The following LIN9 variants were observed in gnomAD, a reference collection of about 807,000 sequenced individuals.
LIN9 encodes the protein protein lin-9 homolog.
In LIN9, 18 loss-of-function variants were observed where a neutral mutation model predicts 78.0. The ratio of observed to expected loss-of-function variants is 0.23; its 90% confidence interval spans 0.16 to 0.34. LIN9 has a LOEUF of 0.34. Among genes scored for constraint, LIN9 ranks in the 10% least tolerant of loss-of-function variants. The pLI is 1.00. For synonymous variants in LIN9, 192 were observed against 215.2 expected (o/e 0.89, Z 0.94); for missense variants, 451 against 644.1 (o/e 0.70, Z 3.25).
chr1:226,281,895 T>C (rs1450772820), intron 6 of LIN9, among the ~76,000 whole-genome samples: 2 of 152,080 alleles, frequency 1.3e-5, no homozygotes, highest in Non-Finnish European at 2.9e-5. Context: ...GGTTTCACCA[T>C]ATTGGCCAGG....
chr1:226,266,540 A>C (rs777105977), intron 8 of LIN9, among the ~76,000 whole-genome samples: 12 of 150,462 alleles, frequency 8.0e-5, no homozygotes, highest in Admixed American at 1.3e-4. Context: ...TGAAAACACT[A>C]CTTTGCTGCC....
chr1:226,266,840 C>T (rs906984805), intron 8 of LIN9, among the ~76,000 whole-genome samples: 2 of 150,900 alleles, frequency 1.3e-5, no homozygotes, highest in African/African-American at 4.9e-5. Context: ...AGTGCAATGG[C>T]GCGATCTCGG....
chr1:226,281,264 G>A (rs978789991), intron 6 of LIN9, among the ~76,000 whole-genome samples: 1 of 152,132 alleles, frequency 6.6e-6, no homozygotes, highest in Non-Finnish European at 1.5e-5. Flanking sequence ...GGTTACCAGA[G>A]GCTGGGAAGG....
intron 4 of LIN9, among the ~76,000 whole-genome samples, chr1:226,291,387 G>C (rs1477309316): frequency 6.6e-6 from 1 of 151,850 alleles, no homozygotes. Flanking sequence ...ATTACAGAAT[G>C]ACACATGGCA....
At chr1:226,302,920 G>C (rs372905985) in intron 1 of LIN9, among the ~76,000 whole-genome samples, 1 of 152,204 alleles carries the variant, frequency 6.6e-6, no homozygotes, top group South Asian at 2.1e-4. Flanking sequence ...CCACAGGTCT[G>C]TGTAAGAGAC....
intron 6 of LIN9, among the ~76,000 whole-genome samples, chr1:226,281,649 C>T (rs1241308326): frequency 6.6e-6 from 1 of 151,634 alleles, no homozygotes; most frequent in African/African-American, 2.4e-5. Flanking sequence ...GACATAAGAA[C>T]CCAGGACCCA....
chr1:226,269,373 G>A (rs1230343927), intron 7 of LIN9, among the ~76,000 whole-genome samples: 1 of 152,178 alleles, frequency 6.6e-6, no homozygotes, highest in Non-Finnish European at 1.5e-5. Context: ...GTGGCATGAA[G>A]AGGCTGGTAA....
rs1657532814 is a variant in LIN9 at position 226,234,156 on chromosome 1, AG to A, written c.1246-634del. Among the ~76,000 whole-genome samples, 3 of 152,230 alleles carry A rather than the reference AG, an allele frequency of 2.0e-5. No homozygotes were observed. In the South Asian group the frequency reaches 6.2e-4, roughly 31 times the overall value. Reference sequence around the variant, plus strand: ...TGTCTGCCAGATTTCCCTACAGTAAAGGATTTCCTTTTTGTAAGTACTAAGT... The same window carrying A: ...TGTCTGCCAGATTTCCCTACAGTAAAGATTTCCTTTTTGTAAGTACTAAGT... On this transcript the variant is annotated intron_variant, in intron 12 of 14. Transcript: ENST00000681046.
At chr1:226,296,866 A>AC (rs1157335608) in intron 3 of LIN9, among the ~76,000 whole-genome samples, 6 of 152,062 alleles carry the variant, frequency 3.9e-5, no homozygotes, top group African/African-American at 1.2e-4. Context: ...ACAAAAAAAA[A>AC]ATTTTTTATT....
In LIN9 at chr1:226,265,348, G is replaced by T. The variant is rs138598162; in HGVS notation, c.1038+185C>A. On this transcript the variant is annotated intron_variant, in intron 10 of 14. Transcript: ENST00000681046. The surrounding 1 kb of genome is among the most constrained non-coding windows in gnomAD (Gnocchi z 4.1). ...AACTCAGACACAAGACAAAGCTCAA[G>T]AAGAAAGATCTTTAAGTCTTTTTTG... is the stretch of plus-strand genomic sequence containing the variant. Among the ~76,000 whole-genome samples the T allele has an allele frequency of 1.1e-4, 17 of 152,286 alleles. No individual in the cohort carries two copies. The East Asian group carries it at 2.5e-3, about 22-fold the overall frequency.
chr1:226,273,834 C>CT (rs572172734), intron 7 of LIN9, among the ~76,000 whole-genome samples: 62,427 of 137,056 alleles, frequency 0.46, 14,562 homozygotes, highest in African/African-American at 0.55. Context: ...CTCAACATTA[C>CT]TTTTTTTTTT....
At chr1:226,305,315 G>GAAAAAAAAAAAAAAAAAAAA (rs111859953) in intron 1 of LIN9, among the ~76,000 whole-genome samples, 1 of 77,494 alleles carries the variant, frequency 1.3e-5, no homozygotes, top group African/African-American at 4.9e-5. Flanking sequence ...ACAAAAAAAA[G>GAAAAAAAAAAAAAAAAAAAA]AAAAAAAAAA....
chr1:226,256,320 G>A (rs1175519327), intron 10 of LIN9, among the ~76,000 whole-genome samples: 1 of 152,022 alleles, frequency 6.6e-6, no homozygotes, highest in Non-Finnish European at 1.5e-5. Context: ...AACCAGGCAA[G>A]CAAGAGGAGA....
At chr1:226,309,228 G>A (rs767381203), upstream of LIN9, 22 of 1,419,972 alleles carry the variant, frequency 1.5e-5, no homozygotes, top group Non-Finnish European at 2.1e-5. Context: ...GTTCGAATGC[G>A]GAGCTCGCTG....
intron 10 of LIN9, among the ~76,000 whole-genome samples, chr1:226,260,253 C>T (rs907144646): frequency 6.6e-6 from 1 of 152,146 alleles, no homozygotes; most frequent in African/African-American, 2.4e-5. Context: ...TTCTACTAAA[C>T]ATTTGAGGAA....
intron 5 of LIN9, 130 bp from the exon 6 acceptor site, chr1:226,286,588 G>A (rs1661391371): frequency 1.6e-6 from 1 of 638,888 alleles, no homozygotes; most frequent in South Asian, 2.4e-5. Context: ...AATTCAAAGT[G>A]CTAAAACTAA....
At chr1:226,254,368 T>C (rs1040815525) in intron 10 of LIN9, among the ~76,000 whole-genome samples, 2 of 152,180 alleles carry the variant, frequency 1.3e-5, no homozygotes, top group African/African-American at 4.8e-5. Context: ...AGAGCAAAAC[T>C]GAGAGTTTTA....
At chr1:226,301,990 G>A (rs936590378) in intron 1 of LIN9, among the ~76,000 whole-genome samples, 2 of 152,192 alleles carry the variant, frequency 1.3e-5, no homozygotes, top group South Asian at 4.1e-4. Context: ...GCCTGCTGGA[G>A]CCTGGGAGGT....
chr1:226,250,867 C>T lies in LIN9; in HGVS notation c.1091G>A (p.Arg364Lys). The T allele has an allele frequency of 1.3e-6, 2 of 1,538,236 alleles. No homozygotes were observed. The highest frequency in any genetic ancestry group is 1.8e-6 in the Non-Finnish European group (2 of 1,122,392). ...TTTTTCTGCTTCTGTGTTCATTTCCCTTAATTTCTTGATATGTTCCTTTTT... is the reference window on the plus strand; with the variant it reads ...TTTTTCTGCTTCTGTGTTCATTTCCTTTAATTTCTTGATATGTTCCTTTTT... ...MIKKEHIKKL[R>K]EMNTEAEKLK... Residue 364 changes from arginine (R) to lysine (K), a missense_variant, in exon 11 of 15, where the codon AGG (arginine) becomes AAG (lysine). Arg to Lys is a conservative substitution (Grantham distance 26). Transcript: ENST00000681046.
Sources: allele counts gnomAD v4.1 joint callset (sites outside exome capture counted in the v4.1 genomes callset), GRCh38; gene constraint gnomAD v4.1.1; non-coding constraint Gnocchi (gnomAD v3.1); transcripts MANE v1.5; gene names NCBI Gene and HGNC (gene_info 2026-07-23, HGNC 2026-07-21).